The following NEB variants were observed in gnomAD, a reference collection of about 807,000 sequenced individuals.
The protein encoded by NEB is nebulin.
Under a neutral mutation model 952.2 loss-of-function variants are expected in NEB, and 512 were observed. The ratio of observed to expected loss-of-function variants is 0.54; its 90% CI spans 0.50 to 0.58. The LOEUF is 0.58. Ranked by LOEUF, NEB falls within the 20% of genes least tolerant of loss-of-function variation. NEB has a pLI of 0.00. For synonymous variants in NEB, 2,900 were observed against 3,149.8 expected, an observed-to-expected ratio of 0.92 and a Z score of 2.66; for missense variants, 8,428 against 9,231.1, an observed-to-expected ratio of 0.91 and a Z score of 3.56.
rs1374056314 is a variant in NEB at position 151,533,438 on chromosome 2, T to C, written c.21417+4A>G. On this transcript the variant is annotated splice_donor_region_variant and intron_variant, in intron 143 of 181. Transcript: ENST00000397345. ...CTCCTTCTTCACATCCCATCAGACA[T>C]TACCTGGCTCCACATATGCGAATTG... is the stretch of plus-strand genomic sequence containing the variant. 6.5e-7 allele frequency: 1 copy of C among 1,541,440 alleles called. No individual in the cohort carries two copies. Among genetic ancestry groups the C allele is most frequent in the South Asian group, 1.2e-5 (1 of 83,816 alleles).
chr2:151,517,757 GA>G (rs2078741845), intron 156 of NEB, among the ~76,000 whole-genome samples: 1 of 152,138 alleles, frequency 6.6e-6, no homozygotes, highest in African/African-American at 2.4e-5. Context: ...TCTAAGCATA[GA>G]AAAGGTACAG....
intron 13 of NEB, among the ~76,000 whole-genome samples, chr2:151,700,720 C>A (rs2099643203): frequency 8.1e-6 from 1 of 123,798 alleles, no homozygotes; most frequent in Non-Finnish European, 1.7e-5. Flanking sequence ...ATTTTGTATC[C>A]TGAGACTTTG....
chr2:151,679,115 C>A (rs138951514), intron 32 of NEB, among the ~76,000 whole-genome samples: 2,389 of 152,194 alleles, frequency 0.016, 41 homozygotes, highest in Non-Finnish European at 0.025. Flanking sequence ...GGAGACTCCA[C>A]AGAAATCATG....
intron 124 of NEB, among the ~76,000 whole-genome samples, chr2:151,556,655 G>A (rs1321933992): frequency 6.6e-6 from 1 of 152,156 alleles, no homozygotes; most frequent in African/African-American, 2.4e-5. Flanking sequence ...GAAAGAAGAA[G>A]AGCTAACTAT....
chr2:151,547,920 G>A (rs560433734), intron 131 of NEB, among the ~76,000 whole-genome samples, 182 bp from the exon 132 acceptor site: 18 of 152,300 alleles, frequency 1.2e-4, no homozygotes, highest in Non-Finnish European at 2.6e-4. Flanking sequence ...GAAGAATTCT[G>A]AGCACAAAGC....
intron 50 of NEB, 93 bp from the exon 51 acceptor site, chr2:151,655,467 C>A: frequency 1.6e-6 from 1 of 612,648 alleles, no homozygotes. Flanking sequence ...TGAATGCACT[C>A]AATTTGATGT....
intron 52 of NEB, 104 bp downstream of exon 52, chr2:151,653,888 A>G: frequency 1.5e-6 from 1 of 673,796 alleles, no homozygotes; most frequent in Non-Finnish European, 2.6e-6. Context: ...TGAAGGAAGC[A>G]TTATATTTTG....
chr2:151,554,970 GT>G lies in NEB; in HGVS notation c.19388del (p.Asn6463ThrfsTer26), dbSNP rs1160402237. On this transcript the variant is annotated frameshift_variant, in exon 125 of 182. Transcript: ENST00000397345. LOFTEE classifies it high-confidence loss of function. ...TLPRSVDDDP[N>X]TARCLRVGKL... ...TGCCAACTCGGAGGCACCGTGCTGT[GT>G]TCGGATCATCGTCAACACTTCTTGG... 3 of 1,613,744 alleles carry G rather than the reference GT, an allele frequency of 1.9e-6. No homozygotes were observed. In the African/African-American group the frequency reaches 4.0e-5, roughly 22 times the overall value.
Position 151,692,140 on chromosome 2 carries a change from C to T in NEB, c.2025G>A (p.Lys675=), listed in dbSNP as rs1329950628. ...SEARYKDLYV[K]DVLGHYVGSM... is the part of the protein sequence containing the mutation. ...TGCCTACATAATGTCCCAAAACATC[C>T]TTTACATATAAGTCTTTATATCTAG... The change falls in exon 22 of 182, where the codon AAG becomes AAA. Residue 675 remains lysine, a synonymous_variant. Transcript: ENST00000397345. 1.3e-5 allele frequency: 21 copies of T among 1,613,732 alleles called. No individual in the cohort carries two copies. The highest frequency in any genetic ancestry group is 1.8e-5 in the Non-Finnish European group (21 of 1,179,794).
rs768324216 is a variant in NEB, at chr2:151,656,378, G to T, written c.6270C>A (p.Ser2090=). 3 of 1,613,386 alleles carry T rather than the reference G, an allele frequency of 1.9e-6. No homozygotes were observed. The highest frequency in any genetic ancestry group is 2.7e-5 in the African/African-American group (2 of 74,820). The change falls in exon 49 of 182, where the codon TCC becomes TCA. Residue 2090 remains serine (S), a synonymous_variant. Transcript: ENST00000397345. ...CAGATTGCATCTTAGCCACTTGCAT[G>T]GAATGGACTAATTTGGGATCATCCT... ...SLEDDPKLVH[S]MQVAKMQSDR... is the part of the protein sequence containing the mutation.
Position 151,643,909 on chromosome 2 carries a change from A to C in NEB, c.7865T>G (p.Val2622Gly), listed in dbSNP as rs563691738. The C allele has an allele frequency of 1.6e-4, 260 of 1,613,936 alleles. 4 individuals carry two copies. In the South Asian group the frequency reaches 2.7e-3, roughly 17 times the overall value. The change falls in exon 57 of 182, where the codon GTG (valine) becomes GGG (glycine). Residue 2622 changes from valine (V) to glycine (G), a missense_variant. This residue lies in a region of NEB where 1,772 missense variants were observed against 1,960.3 expected (regional missense o/e 0.90). Transcript: ENST00000397345. ...CTGGTGCAGGTAGTTCTTGTAGTCCACGTCGCTGACTAAGGTCTGGCACTT... is the reference window on the plus strand; with the variant it reads ...CTGGTGCAGGTAGTTCTTGTAGTCCCCGTCGCTGACTAAGGTCTGGCACTT... ...AKKCQTLVSD[V>G]DYKNYLHQWT...
Position 151,493,840 on chromosome 2 carries a change from C to G in NEB, c.24607G>C (p.Ala8203Pro), listed in dbSNP as rs753257736. Residue 8203 changes from alanine to proline, a missense_variant, in exon 175 of 182, where the codon GCA becomes CCA. This residue lies in a region of NEB where 3,374 missense variants were observed against 3,651.5 expected (regional missense o/e 0.92). Coordinates refer to ENST00000397345, the MANE Select transcript of NEB (RefSeq NM_001164508.2). The stretch of plus-strand genomic sequence containing the variant: ...TCAGGAGTAAAGGGTGTGGGGGTTG[C>G]TTTCCCCAGGTTCTCTTTGTATAAC... ...SVLYKENLGKATPTPFTPEME... is the reference protein window; with the variant it reads ...SVLYKENLGKPTPTPFTPEME... 1 of 1,580,282 alleles carries G rather than the reference C, an allele frequency of 6.3e-7. No homozygotes were observed. The highest frequency in any genetic ancestry group is 1.2e-5 in the South Asian group (1 of 85,424).
chr2:151,635,670 C>T (rs920437523), intron 64 of NEB, among the ~76,000 whole-genome samples: 23 of 145,000 alleles, frequency 1.6e-4, no homozygotes, highest in Middle Eastern at 3.8e-3. Flanking sequence ...CAGGCCATTG[C>T]ACTCCAGCCT....
intron 113 of NEB, among the ~76,000 whole-genome samples, chr2:151,567,716 A>T (rs1380914546): frequency 6.6e-6 from 1 of 152,206 alleles, no homozygotes; most frequent in African/African-American, 2.4e-5. Flanking sequence ...AATAAAATTT[A>T]AAAAATAAAA....
intron 147 of NEB, among the ~76,000 whole-genome samples, 182 bp downstream of exon 147, chr2:151,527,299 G>C (rs1046001029): frequency 6.6e-6 from 1 of 152,178 alleles, no homozygotes; most frequent in African/African-American, 2.4e-5. Context: ...AAGGAGAATA[G>C]GCTCCATGGG....
In NEB at chr2:151,724,970, A is replaced by G; in HGVS notation, c.403-9T>C. The G allele has an allele frequency of 1.2e-6, 2 of 1,605,610 alleles. No individual in the cohort carries two copies. The highest frequency in any genetic ancestry group is 1.7e-6 in the Non-Finnish European group (2 of 1,172,652). On this transcript the variant is annotated splice_polypyrimidine_tract_variant and intron_variant, in intron 6 of 181. Coordinates refer to ENST00000397345, the MANE Select transcript of NEB (RefSeq NM_001164508.2). ...TCCATTCGATACTTAACCTGCCCAA[A>G]TAATGCACAGTTAGAGTTCATGACA...
chr2:151,504,844 C>T (rs2067521413), intron 165 of NEB, among the ~76,000 whole-genome samples: 1 of 152,096 alleles, frequency 6.6e-6, no homozygotes, highest in African/African-American at 2.4e-5. Flanking sequence ...ATAAACTGCA[C>T]AGGTGCCTGA....
intron 105 of NEB, among the ~76,000 whole-genome samples, chr2:151,578,107 C>G (rs1046031115): frequency 3.9e-5 from 6 of 152,134 alleles, no homozygotes; most frequent in Non-Finnish European, 8.8e-5. Context: ...AAAAAAGTAC[C>G]TCTGGAAGCT....
intron 168 of NEB, among the ~76,000 whole-genome samples, chr2:151,500,145 A>G (rs981615357): frequency 9.2e-5 from 14 of 152,212 alleles, no homozygotes; most frequent in Non-Finnish European, 1.2e-4. Flanking sequence ...AGACATATTA[A>G]CATTGAAAAT....
Sources: gnomAD v4.1 joint callset for allele counts (sites outside exome capture counted in the v4.1 genomes callset) on GRCh38, gnomAD v4.1.1 for gene constraint, gnomAD v4.1.1 regional missense constraint, MANE v1.5 for transcripts, NCBI Gene and HGNC (gene_info 2026-07-23, HGNC 2026-07-21) for gene names.